The following ATP10B variants were observed in gnomAD, a reference collection of about 807,000 sequenced individuals.
ATP10B encodes phospholipid-transporting ATPase VB.
Under a neutral mutation model 141.2 loss-of-function variants are expected in ATP10B, and 122 were observed. The ratio of observed to expected loss-of-function variants is 0.86; its 90% confidence interval spans 0.75 to 1.00. ATP10B has a LOEUF of 1.00. Among genes scored for constraint, ATP10B ranks in the 50% least tolerant of loss-of-function variants. The pLI is 0.00. For synonymous variants in ATP10B, 685 were observed against 692.0 expected, an observed-to-expected ratio of 0.99 and a Z score of 0.16; for missense variants, 1,876 against 1,825.3, an observed-to-expected ratio of 1.03 and a Z score of -0.51.
chr5:160,616,094 C>A, intron 16 of ATP10B, 130 bp from the exon 17 acceptor site: 1 of 903,050 alleles, frequency 1.1e-6, no homozygotes, highest in Non-Finnish European at 1.5e-6. Context: ...GGGCTTTCTT[C>A]TCAAAGACTT....
the ATP10B span, among the ~76,000 whole-genome samples, chr5:160,896,665 A>C: frequency 8.5e-5 from 13 of 152,248 alleles, no homozygotes; most frequent in Non-Finnish European, 1.5e-4. Flanking sequence ...AAACAATAGA[A>C]AAAGAGGGAC....
the ATP10B span, among the ~76,000 whole-genome samples, chr5:160,871,047 T>TG: frequency 3.7e-5 from 4 of 109,080 alleles, no homozygotes; most frequent in Non-Finnish European, 8.4e-5. Flanking sequence ...TCATTGCCAG[T>TG]AGACCTGTCT....
At chr5:160,800,831 A>G (rs1293073681) in intron 1 of ATP10B, among the ~76,000 whole-genome samples, 1 of 152,210 alleles carries the variant, frequency 6.6e-6, no homozygotes, top group Non-Finnish European at 1.5e-5. Flanking sequence ...CACATTTAAA[A>G]CATCCATACT....
intron 2 of ATP10B, among the ~76,000 whole-genome samples, chr5:160,778,824 A>G (rs769215365): frequency 1.3e-5 from 2 of 152,236 alleles, no homozygotes; most frequent in Non-Finnish European, 2.9e-5. Context: ...CACAGTGGCA[A>G]TAACACCAGT....
At chr5:160,826,040 T>C (rs1774577932) in intron 1 of ATP10B, among the ~76,000 whole-genome samples, 1 of 152,234 alleles carries the variant, frequency 6.6e-6, no homozygotes, top group South Asian at 2.1e-4. Context: ...TACCACATTT[T>C]CTTTATCCTG....
At chr5:160,809,530 T>C (rs952447790) in intron 1 of ATP10B, among the ~76,000 whole-genome samples, 1 of 152,214 alleles carries the variant, frequency 6.6e-6, no homozygotes, top group Non-Finnish European at 1.5e-5. Context: ...ATTTATCATT[T>C]CTATGTGTTG....
the ATP10B span, among the ~76,000 whole-genome samples, chr5:160,929,262 G>A: frequency 6.6e-6 from 1 of 152,160 alleles, no homozygotes; most frequent in Non-Finnish European, 1.5e-5. Flanking sequence ...TGACAGGGAG[G>A]GTTGGCACTC....
At chr5:160,813,293 C>T (rs541228581) in intron 1 of ATP10B, among the ~76,000 whole-genome samples, 83 of 152,360 alleles carry the variant, frequency 5.4e-4, no homozygotes, top group East Asian at 9.7e-4. Context: ...CCTAATACTG[C>T]GCTTTTCCAA....
At chr5:160,881,051 C>A in the ATP10B span, among the ~76,000 whole-genome samples, 1 of 152,116 alleles carries the variant, frequency 6.6e-6, no homozygotes, top group Non-Finnish European at 1.5e-5. Flanking sequence ...ATGATAAAGA[C>A]TATTACCCAA....
At chr5:160,758,545 A>G (rs759912182) in intron 2 of ATP10B, among the ~76,000 whole-genome samples, 1 of 152,186 alleles carries the variant, frequency 6.6e-6, no homozygotes. Flanking sequence ...CATGGAGGGA[A>G]CTAGGGGTCA....
At chr5:160,634,072 A>G in intron 12 of ATP10B, 2 of 463,308 alleles carry the variant, frequency 4.3e-6, no homozygotes, top group Non-Finnish European at 4.0e-6. Flanking sequence ...CAGATAAAAA[A>G]CTCGTCTCAT....
At chr5:160,878,771 A>T in the ATP10B span, among the ~76,000 whole-genome samples, 1 of 152,134 alleles carries the variant, frequency 6.6e-6, no homozygotes, top group Non-Finnish European at 1.5e-5. Flanking sequence ...TGCAGCCAAA[A>T]AACACATGAA....
At chr5:160,814,295 C>T (rs1773421679) in intron 1 of ATP10B, among the ~76,000 whole-genome samples, 1 of 152,200 alleles carries the variant, frequency 6.6e-6, no homozygotes, top group South Asian at 2.1e-4. Flanking sequence ...CTTAAAGGAC[C>T]TGATGGAGCT....
the ATP10B span, among the ~76,000 whole-genome samples, chr5:160,888,110 A>G: frequency 7.3e-3 from 1,110 of 152,360 alleles, 17 homozygotes; most frequent in African/African-American, 0.023. Context: ...CCCTGCCTCC[A>G]CATGCAGTTG....
chr5:160,614,060 T>C (rs1757869661), intron 17 of ATP10B: 1 of 151,750 alleles, frequency 6.6e-6, no homozygotes, highest in Non-Finnish European at 1.5e-5. Flanking sequence ...GAAAGTGGAA[T>C]TCTCTTCTCA....
chr5:160,923,648 G>A, the ATP10B span, among the ~76,000 whole-genome samples: 1 of 152,198 alleles, frequency 6.6e-6, no homozygotes, highest in Non-Finnish European at 1.5e-5. Flanking sequence ...GCACCTTCCT[G>A]ATAACAGCCA....
intron 15 of ATP10B, among the ~76,000 whole-genome samples, 195 bp downstream of exon 15, chr5:160,620,152 G>T (rs923967937): frequency 6.6e-6 from 1 of 152,208 alleles, no homozygotes; most frequent in Non-Finnish European, 1.5e-5. Flanking sequence ...TGGACACTGT[G>T]ATTCCCTAGG....
intron 13 of ATP10B, among the ~76,000 whole-genome samples, chr5:160,625,757 C>T (rs1758577332): frequency 6.6e-6 from 1 of 152,242 alleles, no homozygotes; most frequent in Admixed American, 6.5e-5. Context: ...AGGGCAGAGA[C>T]TGTCTCTGAT....
intron 2 of ATP10B, among the ~76,000 whole-genome samples, chr5:160,771,911 G>A (rs1030713738): frequency 2.0e-5 from 3 of 152,210 alleles, no homozygotes; most frequent in African/African-American, 7.2e-5. Context: ...TATGGCAGAT[G>A]TATTTAAGGT....
Sources: gnomAD v4.1 joint callset for allele counts (sites outside exome capture counted in the v4.1 genomes callset) on GRCh38, gnomAD v4.1.1 for gene constraint, MANE v1.5 for transcripts, NCBI Gene and HGNC (gene_info 2026-07-23, HGNC 2026-07-21) for gene names.